Variants in PPM1L observed in about 807,000 individuals in gnomAD.
PPM1L encodes the protein protein phosphatase 1L.
PPM1L carries 13 observed loss-of-function variants against 31.4 expected under a neutral mutation model. The ratio of observed to expected loss-of-function variants is 0.41; its 90% CI spans 0.27 to 0.66. The LOEUF (loss-of-function observed/expected upper bound fraction) is 0.66. Ranked by LOEUF, PPM1L falls within the 30% of genes least tolerant of loss-of-function variation. The probability of loss-of-function intolerance (pLI) is 0.29; values close to 1 mark genes in which losing one functional copy is unlikely to be tolerated. For missense variants in PPM1L, 326 were observed against 453.7 expected, an observed-to-expected ratio of 0.72 and a Z score of 2.56; for synonymous variants, 184 against 175.4, an observed-to-expected ratio of 1.05 and a Z score of -0.39.
At chr3:160,863,061 C>G (rs1405993960) in intron 1 of PPM1L, among the ~76,000 whole-genome samples, 1 of 152,132 alleles carries the variant, frequency 6.6e-6, no homozygotes, top group Non-Finnish European at 1.5e-5. Flanking sequence ...ACCTGTGTGG[C>G]TTTTATTTTT....
At chr3:160,868,196 AAG>A (rs1036199638) in intron 1 of PPM1L, among the ~76,000 whole-genome samples, 2 of 152,212 alleles carry the variant, frequency 1.3e-5, no homozygotes, top group Admixed American at 6.5e-5. Context: ...AAAAAAGAGT[AAG>A]AGAGCTGTTT....
intron 2 of PPM1L, among the ~76,000 whole-genome samples, chr3:161,042,891 G>C (rs189113017): frequency 9.2e-5 from 14 of 151,894 alleles, no homozygotes; most frequent in South Asian, 4.2e-4. Context: ...GTAGTGGCAG[G>C]CTCCTGTAAT....
chr3:160,983,299 C>G (rs990471235), intron 2 of PPM1L, among the ~76,000 whole-genome samples: 2 of 152,136 alleles, frequency 1.3e-5, no homozygotes, highest in Admixed American at 1.3e-4. Flanking sequence ...ATGACAGTAA[C>G]TTTAGGCCTC....
chr3:161,048,913 C>G (rs1326254678), intron 2 of PPM1L, among the ~76,000 whole-genome samples: 1 of 120,672 alleles, frequency 8.3e-6, no homozygotes, highest in Non-Finnish European at 1.6e-5. Context: ...GGGAACATCA[C>G]ACACTGGGGC....
At chr3:160,841,259 AC>A (rs962925900) in intron 1 of PPM1L, among the ~76,000 whole-genome samples, 12 of 151,942 alleles carry the variant, frequency 7.9e-5, no homozygotes, top group African/African-American at 2.9e-4. Context: ...GCTTATTAAG[AC>A]CCATTCCAGA....
chr3:161,045,189 C>G (rs531182123), intron 2 of PPM1L, among the ~76,000 whole-genome samples: 2 of 152,274 alleles, frequency 1.3e-5, no homozygotes, highest in South Asian at 2.1e-4. Flanking sequence ...TTTAACCCCC[C>G]ACTGTCAACA....
intron 2 of PPM1L, among the ~76,000 whole-genome samples, chr3:161,028,732 C>T (rs1228330738): frequency 6.6e-6 from 1 of 152,162 alleles, no homozygotes; most frequent in African/African-American, 2.4e-5. Flanking sequence ...AACAAAAAGG[C>T]TCTCCCGGGT....
chr3:160,762,165 T>C (rs1714986076), intron 1 of PPM1L, among the ~76,000 whole-genome samples: 1 of 152,210 alleles, frequency 6.6e-6, no homozygotes, highest in African/African-American at 2.4e-5. Context: ...TCAGACATTA[T>C]AGCTACTGTT....
intron 2 of PPM1L, among the ~76,000 whole-genome samples, chr3:161,048,954 T>G (rs1719176082): frequency 7.5e-6 from 1 of 134,024 alleles, no homozygotes. Flanking sequence ...GGGGGAGGGA[T>G]AGCATTATGA....
intron 1 of PPM1L, among the ~76,000 whole-genome samples, chr3:160,826,859 A>G (rs1005183726): frequency 6.6e-6 from 1 of 152,210 alleles, no homozygotes; most frequent in African/African-American, 2.4e-5. Flanking sequence ...AGCTATAAAT[A>G]GAGATCAGCT....
chr3:160,993,851 T>G (rs1395569311), intron 2 of PPM1L, among the ~76,000 whole-genome samples: 1 of 152,108 alleles, frequency 6.6e-6, no homozygotes, highest in East Asian at 1.9e-4. Flanking sequence ...TGTCCCCTCT[T>G]TTGATGACAA....
rs760907219 is a variant in PPM1L, at chr3:161,031,502, C to CTTTTTTTTTTT, written c.575-33895_575-33885dup. On this transcript the variant is annotated intron_variant, in intron 2 of 3. Transcript: ENST00000498165. ...GTGAATGGCAGCTATGTATTCTGTCCTTTTTTTTTTTTTTTTGAGAGAGAG... is the reference window on the plus strand; with the variant it reads ...GTGAATGGCAGCTATGTATTCTGTCCTTTTTTTTTTTTTTTTTTTTTTTTTTTGAGAGAGAG... Among the ~76,000 whole-genome samples, 62 of 101,654 alleles carry CTTTTTTTTTTT rather than the reference C, an allele frequency of 6.1e-4. 6 individuals are homozygous for CTTTTTTTTTTT. The highest frequency in any genetic ancestry group is 6.0e-3 in the South Asian group (15 of 2,500). The allele number at this position is 101,654 out of a possible 152,430, so 66.7% of individuals were successfully genotyped here. A position where few individuals can be genotyped will look rare whatever the true frequency, so the allele number is the denominator to read the frequency against.
chr3:161,039,751 C>T (rs1718854107), intron 2 of PPM1L, among the ~76,000 whole-genome samples: 1 of 152,088 alleles, frequency 6.6e-6, no homozygotes, highest in South Asian at 2.1e-4. Context: ...CTCCTGACCT[C>T]GTGATCCGCC....
At chr3:160,996,519 T>C (rs1229877794) in intron 2 of PPM1L, among the ~76,000 whole-genome samples, 2 of 152,228 alleles carry the variant, frequency 1.3e-5, no homozygotes, top group African/African-American at 4.8e-5. Flanking sequence ...ACCATTATTC[T>C]AAGTGAAGTA....
In PPM1L at chr3:161,047,633, A is replaced by G. The variant is rs537163048; in HGVS notation, c.575-17770A>G. Among the ~76,000 whole-genome samples the G allele has an allele frequency of 2.4e-3, 365 of 152,312 alleles. 2 individuals are homozygous for G. The highest frequency in any genetic ancestry group is 8.3e-3 in the African/African-American group (345 of 41,564). On this transcript the variant is annotated intron_variant, in intron 2 of 3. Transcript: ENST00000498165. ...AAAAAGAGCCCACATTGCCAAGACA[A>G]TCCTAAGCCAAAAGAACAAAGCTGG...
intron 2 of PPM1L, among the ~76,000 whole-genome samples, chr3:161,049,148 C>T (rs1477166615): frequency 3.3e-5 from 5 of 151,194 alleles, no homozygotes; most frequent in Admixed American, 3.3e-4. Flanking sequence ...CGTGGTAGCA[C>T]ATACCTCTAA....
At chr3:160,944,435 A>G (rs1049840578) in intron 1 of PPM1L, among the ~76,000 whole-genome samples, 1 of 151,428 alleles carries the variant, frequency 6.6e-6, no homozygotes, top group African/African-American at 2.4e-5. Context: ...GCTGCCCTTT[A>G]TAATGTCTGG....
chr3:160,814,633 A>G lies in PPM1L; in HGVS notation c.399+57926A>G, dbSNP rs151169523. 1.2e-3 allele frequency among the ~76,000 whole-genome samples: 186 copies of G among 149,878 alleles called. 1 individual carries two copies. The highest frequency in any genetic ancestry group is 4.7e-3 in the East Asian group (24 of 5,094). ...TATATATACACACACATATGTATGT[A>G]TGTGTATATATATGTATATATACAC... On this transcript the variant is annotated intron_variant, in intron 1 of 3. Transcript: ENST00000498165.
At chr3:161,038,040 C>T (rs1179954825) in intron 2 of PPM1L, among the ~76,000 whole-genome samples, 7 of 151,228 alleles carry the variant, frequency 4.6e-5, no homozygotes, top group Non-Finnish European at 8.8e-5. Flanking sequence ...GAGACCATCC[C>T]GGCTAAAATG....
Sources: allele counts gnomAD v4.1 joint callset (sites outside exome capture counted in the v4.1 genomes callset), GRCh38; gene constraint gnomAD v4.1.1; transcripts MANE v1.5; gene names NCBI Gene and HGNC (gene_info 2026-07-23, HGNC 2026-07-21).